The following RPH3A variants were observed in gnomAD, a reference collection of about 807,000 sequenced individuals.
RPH3A encodes rabphilin-3A.
RPH3A carries 48 observed loss-of-function variants against 102.2 expected under a neutral mutation model. That is an observed-to-expected ratio of 0.47 (90% CI 0.37 to 0.60). The LOEUF is 0.60. Ranked by LOEUF, RPH3A falls within the 20% of genes least tolerant of loss-of-function variation. The pLI, the probability that RPH3A is intolerant of heterozygous loss-of-function variation, is 0.00. For missense variants in RPH3A, 781 were observed against 910.1 expected, an observed-to-expected ratio of 0.86 and a Z score of 1.83; for synonymous variants, 310 against 324.3, an observed-to-expected ratio of 0.96 and a Z score of 0.47.
At chr12:112,760,588 T>A (rs1227933138) in intron 1 of RPH3A, among the ~76,000 whole-genome samples, 2 of 152,182 alleles carry the variant, frequency 1.3e-5, no homozygotes, top group Admixed American at 6.5e-5. Context: ...CAGATAGTCT[T>A]TGAGGACCTG....
chr12:112,790,048 G>T (rs1057001474), upstream of RPH3A, among the ~76,000 whole-genome samples: 8 of 152,006 alleles, frequency 5.3e-5, no homozygotes, highest in Admixed American at 4.6e-4. Flanking sequence ...GACAGAGTGA[G>T]ACACTGTCTT....
At chr12:112,833,892 G>A (rs1335495792) in intron 3 of RPH3A, among the ~76,000 whole-genome samples, 4 of 152,058 alleles carry the variant, frequency 2.6e-5, no homozygotes, top group South Asian at 4.1e-4. Context: ...ACTGCACCTG[G>A]ATAAGTTTTT....
intron 1 of RPH3A, among the ~76,000 whole-genome samples, chr12:112,736,183 G>C (rs993971945): frequency 6.6e-6 from 1 of 152,170 alleles, no homozygotes; most frequent in African/African-American, 2.4e-5. Flanking sequence ...GTAAGATGTT[G>C]TGTACTACCC....
At chr12:112,795,813 A>T (rs2041216888) in intron 2 of RPH3A, among the ~76,000 whole-genome samples, 1 of 152,182 alleles carries the variant, frequency 6.6e-6, no homozygotes, top group African/African-American at 2.4e-5. Context: ...CAGTTGTGAG[A>T]ATTTTAAGAG....
chr12:112,696,301 G>A (rs2040351696), intron 1 of RPH3A, among the ~76,000 whole-genome samples: 1 of 152,230 alleles, frequency 6.6e-6, no homozygotes. Context: ...AAATGTGTGT[G>A]TATGTGTGTT....
chr12:112,714,333 C>T (rs2040500148), intron 1 of RPH3A, among the ~76,000 whole-genome samples: 2 of 152,134 alleles, frequency 1.3e-5, no homozygotes, highest in Admixed American at 1.3e-4. Flanking sequence ...GGAGCTGATG[C>T]ACACAGGAAG....
At chr12:112,667,699 AG>A (rs2040096721) in intron 1 of RPH3A, among the ~76,000 whole-genome samples, 1 of 150,326 alleles carries the variant, frequency 6.7e-6, no homozygotes, top group African/African-American at 2.5e-5. Context: ...AGAGAGAGAG[AG>A]AGAGAGAGAG....
intron 1 of RPH3A, among the ~76,000 whole-genome samples, chr12:112,614,937 G>C (rs2039667499): frequency 6.6e-6 from 1 of 152,016 alleles, no homozygotes; most frequent in Admixed American, 6.6e-5. Flanking sequence ...GGGAGCTTCT[G>C]TGGCTGGCTG....
chr12:112,857,930 A>G (rs542168431), intron 5 of RPH3A, among the ~76,000 whole-genome samples: 1 of 152,256 alleles, frequency 6.6e-6, no homozygotes, highest in African/African-American at 2.4e-5. Flanking sequence ...TGAAACTCTC[A>G]CTGCACTGAG....
intron 1 of RPH3A, chr12:112,695,289 G>A (rs531971065): frequency 6.0e-6 from 1 of 165,932 alleles, no homozygotes; most frequent in East Asian, 1.9e-4. Flanking sequence ...AAATTCACAG[G>A]ATGGGATGGC....
At chr12:112,843,872 A>T (rs1219117172) in intron 4 of RPH3A, among the ~76,000 whole-genome samples, 1 of 152,094 alleles carries the variant, frequency 6.6e-6, no homozygotes, top group East Asian at 1.9e-4. Flanking sequence ...TTCCATTATG[A>T]CTGGGGCTCT....
intron 1 of RPH3A, among the ~76,000 whole-genome samples, chr12:112,721,746 G>T (rs1274307388): frequency 6.6e-6 from 1 of 151,320 alleles, no homozygotes; most frequent in Non-Finnish European, 1.5e-5. Flanking sequence ...CTGTAGCAAT[G>T]GTAATTGCAT....
intron 1 of RPH3A, among the ~76,000 whole-genome samples, chr12:112,678,909 G>A (rs994872477): frequency 4.6e-5 from 7 of 152,106 alleles, no homozygotes; most frequent in Non-Finnish European, 1.0e-4. Flanking sequence ...TCTGTGTTCC[G>A]GGTGCTCTAA....
chr12:112,814,175 A>G (rs1185388370), intron 2 of RPH3A, among the ~76,000 whole-genome samples: 1 of 151,650 alleles, frequency 6.6e-6, no homozygotes, highest in Non-Finnish European at 1.5e-5. Flanking sequence ...AGATAAGAAG[A>G]GCCCTTTCCT....
chr12:112,867,586 C>A (rs1259511865), intron 7 of RPH3A, among the ~76,000 whole-genome samples: 1 of 152,100 alleles, frequency 6.6e-6, no homozygotes, highest in African/African-American at 2.4e-5. Context: ...CACCCTAGCA[C>A]CAGCAAAAAC....
intron 2 of RPH3A, among the ~76,000 whole-genome samples, chr12:112,810,058 C>T (rs2041542208): frequency 6.6e-6 from 1 of 152,212 alleles, no homozygotes; most frequent in Admixed American, 6.5e-5. Context: ...AACAGGCCTG[C>T]TGGGGACATT....
chr12:112,865,343 C>T, intron 5 of RPH3A, 71 bp from the exon 6 acceptor site: 1 of 1,564,790 alleles, frequency 6.4e-7, no homozygotes, highest in Non-Finnish European at 8.7e-7. Flanking sequence ...AGACTATCAA[C>T]CTGACACTGT....
At chr12:112,875,815 C>A in intron 12 of RPH3A, 74 bp downstream of exon 12, 1 of 1,387,980 alleles carries the variant, frequency 7.2e-7, no homozygotes, top group Non-Finnish European at 1.0e-6. Context: ...GAGCAGGCAG[C>A]TGCCAGAACG....
At chr12:112,812,780 T>C (rs1451835814) in intron 2 of RPH3A, among the ~76,000 whole-genome samples, 1 of 152,200 alleles carries the variant, frequency 6.6e-6, no homozygotes, top group African/African-American at 2.4e-5. Context: ...AGAGGAGTAA[T>C]GTGTATGTGC....
Sources: gnomAD v4.1 joint callset for allele counts (sites outside exome capture counted in the v4.1 genomes callset) on GRCh38, gnomAD v4.1.1 for gene constraint, MANE v1.5 for transcripts, NCBI Gene and HGNC (gene_info 2026-07-23, HGNC 2026-07-21) for gene names.